AKAP10: variants seen among roughly 807,000 people sequenced by gnomAD.
AKAP10 encodes A-kinase anchoring protein 10, also known as A-kinase anchor protein 10, mitochondrial.
Under a neutral mutation model 80.8 loss-of-function variants are expected in AKAP10, and 24 were observed. The observed-to-expected ratio is 0.30, with a 90% CI of 0.22 to 0.42. The LOEUF is 0.42. Ranked by LOEUF, AKAP10 falls within the 10% of genes least tolerant of loss-of-function variation. The pLI is 1.00. For missense variants in AKAP10, 661 were observed against 794.9 expected (o/e 0.83, Z 2.03); for synonymous variants, 291 against 277.7 (o/e 1.05, Z -0.48).
chr17:19,922,764 G>A (rs1420774416), intron 11 of AKAP10, among the ~76,000 whole-genome samples: 1 of 152,098 alleles, frequency 6.6e-6, no homozygotes, highest in Non-Finnish European at 1.5e-5. Flanking sequence ...GCCGGGCGTG[G>A]TGGCACGTGC....
At chr17:19,941,947 A>C in intron 5 of AKAP10, 37 bp from the exon 6 acceptor site, 1 of 1,588,484 alleles carries the variant, frequency 6.3e-7, no homozygotes, top group Non-Finnish European at 8.6e-7. Flanking sequence ...ATTGCCACTA[A>C]ATTCAAACTA....
chr17:19,941,667 A>C (rs1455646036), intron 6 of AKAP10, among the ~76,000 whole-genome samples, 159 bp downstream of exon 6: 1 of 152,268 alleles, frequency 6.6e-6, no homozygotes, highest in Admixed American at 6.5e-5. Context: ...TATTTAAAAG[A>C]AACTGTTAAC....
At chr17:19,939,249 G>C (rs1020805581) in intron 8 of AKAP10, among the ~76,000 whole-genome samples, 1 of 152,080 alleles carries the variant, frequency 6.6e-6, no homozygotes, top group African/African-American at 2.4e-5. Context: ...CCCATAAATA[G>C]GCATTCAAGG....
intron 14 of AKAP10, among the ~76,000 whole-genome samples, chr17:19,907,294 T>C (rs538915904): frequency 3.3e-4 from 50 of 152,178 alleles, no homozygotes; most frequent in South Asian, 2.7e-3. Flanking sequence ...GCTGGGATTA[T>C]AGACGTGAGC....
intron 10 of AKAP10, among the ~76,000 whole-genome samples, chr17:19,929,904 G>A (rs192908163): frequency 3.0e-3 from 459 of 151,820 alleles, no homozygotes; most frequent in African/African-American, 0.011. Flanking sequence ...TTGAACCCGG[G>A]AGGTGGAGGT....
intron 8 of AKAP10, among the ~76,000 whole-genome samples, chr17:19,938,017 C>T (rs940618389): frequency 2.7e-5 from 4 of 149,074 alleles, no homozygotes; most frequent in African/African-American, 5.0e-5. Context: ...CTCTGCCTCC[C>T]GGGTTCAAGC....
chr17:19,910,588 T>C (rs1248689698), intron 12 of AKAP10, among the ~76,000 whole-genome samples: 1 of 152,224 alleles, frequency 6.6e-6, no homozygotes, highest in African/African-American at 2.4e-5. Context: ...TAACATCTAG[T>C]GTTAGTTTGT....
At chr17:19,932,416 G>A (rs1467005008) in intron 9 of AKAP10, among the ~76,000 whole-genome samples, 1 of 143,062 alleles carries the variant, frequency 7.0e-6, no homozygotes, top group African/African-American at 2.6e-5. Flanking sequence ...TTGCACCACT[G>A]CACTCCAGCC....
At chr17:19,968,698 C>CA (rs2043455564) in intron 1 of AKAP10, among the ~76,000 whole-genome samples, 1 of 152,174 alleles carries the variant, frequency 6.6e-6, no homozygotes, top group Admixed American at 6.6e-5. Flanking sequence ...AATGTAGTCA[C>CA]AACATCTGGG....
At chr17:19,948,042 T>C (rs909753436) in intron 4 of AKAP10, among the ~76,000 whole-genome samples, 1 of 148,168 alleles carries the variant, frequency 6.7e-6, no homozygotes, top group African/African-American at 2.5e-5. Flanking sequence ...CAAAGGCGGG[T>C]GTTAAAGTGT....
intron 10 of AKAP10, among the ~76,000 whole-genome samples, chr17:19,927,996 G>A (rs1214295808): frequency 2.0e-5 from 3 of 152,072 alleles, no homozygotes; most frequent in Admixed American, 1.3e-4. Flanking sequence ...TAGGCAGGCA[G>A]ATCACCTGAG....
chr17:19,951,140 G>A (rs1255828632), intron 4 of AKAP10, among the ~76,000 whole-genome samples: 1 of 97,044 alleles, frequency 1.0e-5, no homozygotes, highest in Non-Finnish European at 2.5e-5. Flanking sequence ...AGGGAGGTGG[G>A]GGGCAGCCCC....
At chr17:19,955,065 C>CA (rs1255348992) in intron 4 of AKAP10, among the ~76,000 whole-genome samples, 2 of 151,526 alleles carry the variant, frequency 1.3e-5, no homozygotes, top group African/African-American at 2.4e-5. Context: ...ACTAAAAATA[C>CA]AAAAAAATCA....
At position 19,958,468 on chromosome 17, in the gene AKAP10, T is replaced by A. The variant is rs201986290; in HGVS notation, c.423A>T (p.Gln141His). ...GCTCCATTCGCCGAAGTTCCATGAA[T>A]TGAATGAAGTAAGGGAGGACAATAG... ...HDTIVLPYFI[Q>H]FMELRRMEHL... Residue 141 changes from glutamine to histidine, a missense_variant, in exon 4 of 15, where the codon CAA (glutamine) becomes CAT (histidine). Gln to His is a conservative substitution (Grantham distance 24, BLOSUM62 0). Coordinates refer to ENST00000225737, the MANE Select transcript of AKAP10 (RefSeq NM_007202.4). 2 of 1,614,092 alleles carry A rather than the reference T, an allele frequency of 1.2e-6. No homozygotes were observed. The highest frequency in any genetic ancestry group is 1.7e-6 in the Non-Finnish European group (2 of 1,180,036).
chr17:19,938,232 A>C (rs1368754369), intron 8 of AKAP10, among the ~76,000 whole-genome samples: 4 of 101,492 alleles, frequency 3.9e-5, no homozygotes, highest in African/African-American at 8.2e-5. Context: ...CCAGACTGAA[A>C]ACCTATTTTT....
intron 9 of AKAP10, among the ~76,000 whole-genome samples, chr17:19,934,633 A>G (rs1435330569): frequency 6.6e-6 from 1 of 152,222 alleles, no homozygotes; most frequent in African/African-American, 2.4e-5. Flanking sequence ...TTTTATATAC[A>G]TTACCTTACT....
intron 5 of AKAP10, among the ~76,000 whole-genome samples, chr17:19,946,149 T>C (rs1375565561): frequency 4.1e-4 from 50 of 120,600 alleles, no homozygotes; most frequent in Non-Finnish European, 6.8e-4. Context: ...TATATATTAG[T>C]ATATATACTA....
At position 19,936,344 on chromosome 17, in the gene AKAP10, C is replaced by T. The variant is rs1262562357; in HGVS notation, c.1409G>A (p.Gly470Glu). Residue 470 changes from glycine to glutamate, a missense_variant, in exon 9 of 15, where the codon GGG (glycine) becomes GAG (glutamate). By Grantham distance (98) the Gly-to-Glu change is moderately conservative (BLOSUM62 -2). Coordinates refer to ENST00000225737, the MANE Select transcript of AKAP10 (RefSeq NM_007202.4). Reference sequence around the variant, plus strand: ...AGTTGTGAAACAGTTGGGGAGTGGCCCACCTTCCCTGCAGATATTGGATTC... The same window carrying T: ...AGTTGTGAAACAGTTGGGGAGTGGCTCACCTTCCCTGCAGATATTGGATTC... ...EIESNICREG[G>E]PLPNCFTTPL... 1 of 1,613,708 alleles carries T rather than the reference C, an allele frequency of 6.2e-7. No individual in the cohort carries two copies. Among genetic ancestry groups the T allele is most frequent in the Non-Finnish European group, 8.5e-7 (1 of 1,179,788 alleles).
intron 2 of AKAP10, 40 bp from the exon 3 acceptor site, chr17:19,963,062 T>C: frequency 6.5e-7 from 1 of 1,535,124 alleles, no homozygotes; most frequent in Admixed American, 1.8e-5. Flanking sequence ...TAAACACAAT[T>C]TGATAGCCTA....
Sources: allele counts gnomAD v4.1 joint callset (sites outside exome capture counted in the v4.1 genomes callset), GRCh38; gene constraint gnomAD v4.1.1; transcripts MANE v1.5; gene names NCBI Gene and HGNC (gene_info 2026-07-23, HGNC 2026-07-21).